The following MGA variants were observed in gnomAD, a reference collection of about 807,000 sequenced individuals.
MGA encodes MAX gene-associated protein.
MGA carries 40 observed loss-of-function variants against 261.1 expected under a neutral mutation model. That is an observed-to-expected ratio of 0.15 (90% CI 0.12 to 0.20). MGA has a LOEUF of 0.20. MGA is among the 10% of genes least tolerant of loss of function. The pLI is 1.00. For synonymous variants in MGA, 1,302 were observed against 1,290.6 expected (o/e 1.01, Z -0.19); for missense variants, 3,397 against 3,630.5 (o/e 0.94, Z 1.65).
At chr15:41,626,339 A>G (rs1490497986) in intron 1 of MGA, among the ~76,000 whole-genome samples, 1 of 151,720 alleles carries the variant, frequency 6.6e-6, no homozygotes, top group Admixed American at 6.6e-5. Context: ...GCTGGTCTCA[A>G]ACTACTGGGC....
chr15:41,643,764 T>A (rs1228546517), intron 1 of MGA, among the ~76,000 whole-genome samples: 1 of 138,948 alleles, frequency 7.2e-6, no homozygotes, highest in Non-Finnish European at 1.6e-5. Context: ...TGTGTCATAC[T>A]TTTTTTTTTT....
chr15:41,700,751 C>G (rs1256568644), intron 5 of MGA, among the ~76,000 whole-genome samples: 1 of 151,986 alleles, frequency 6.6e-6, no homozygotes, highest in Non-Finnish European at 1.5e-5. Context: ...AGGCTGTGCC[C>G]CAATTTTTAG....
chr15:41,663,609 A>G (rs2057547074), intron 1 of MGA, among the ~76,000 whole-genome samples: 2 of 152,016 alleles, frequency 1.3e-5, no homozygotes, highest in African/African-American at 4.8e-5. Context: ...AGCTGGGACT[A>G]CAGGTGCGCA....
At chr15:41,762,449 TAG>T in intron 22 of MGA, 87 bp downstream of exon 22, 1 of 884,080 alleles carries the variant, frequency 1.1e-6, no homozygotes, top group South Asian at 1.9e-5. Flanking sequence ...TCCACATTTT[TAG>T]TTTTGTGTGG....
At chr15:41,717,722 T>TA (rs1185240323) in intron 9 of MGA, among the ~76,000 whole-genome samples, 1 of 152,184 alleles carries the variant, frequency 6.6e-6, no homozygotes, top group Admixed American at 6.5e-5. Context: ...CAGTCTTCCA[T>TA]AAAATGGTGT....
At chr15:41,682,176 C>G (rs2058718793) in intron 2 of MGA, among the ~76,000 whole-genome samples, 1 of 152,158 alleles carries the variant, frequency 6.6e-6, no homozygotes, top group African/African-American at 2.4e-5. Flanking sequence ...CTCAGCCACC[C>G]AAAGTGTTGG....
intron 15 of MGA, 32 bp downstream of exon 15, chr15:41,743,204 T>C (rs1486369317): frequency 6.4e-6 from 10 of 1,563,562 alleles, no homozygotes; most frequent in Non-Finnish European, 8.7e-6. Context: ...CTGCTTTATT[T>C]TACTGTACAC....
intron 1 of MGA, among the ~76,000 whole-genome samples, chr15:41,632,336 T>C (rs914230683): frequency 2.6e-5 from 4 of 152,146 alleles, no homozygotes; most frequent in Non-Finnish European, 5.9e-5. Context: ...TTTGTAGATA[T>C]AAAAGAGCCA....
intron 1 of MGA, among the ~76,000 whole-genome samples, chr15:41,650,776 A>C (rs1027947581): frequency 6.6e-6 from 1 of 152,158 alleles, no homozygotes; most frequent in African/African-American, 2.4e-5. Context: ...TAAATATTTG[A>C]TAGTGCAGAG....
intron 1 of MGA, among the ~76,000 whole-genome samples, chr15:41,647,218 A>C (rs1191111582): frequency 6.6e-6 from 1 of 152,186 alleles, no homozygotes; most frequent in Non-Finnish European, 1.5e-5. Context: ...CAATTTTAGG[A>C]GTTTCACAGG....
At chr15:41,736,132 G>T in intron 12 of MGA, 49 bp from the exon 13 acceptor site, 1 of 1,385,552 alleles carries the variant, frequency 7.2e-7, no homozygotes, top group Non-Finnish European at 9.5e-7. Flanking sequence ...ATGCTGTGAT[G>T]CAGAAATAAT....
At chr15:41,637,277 C>T (rs529690259) in intron 1 of MGA, among the ~76,000 whole-genome samples, 84 of 152,180 alleles carry the variant, frequency 5.5e-4, no homozygotes, top group African/African-American at 1.5e-3. Context: ...GGTCATGGTT[C>T]GTATCATATT....
At chr15:41,731,308 C>G (rs971555711) in intron 11 of MGA, among the ~76,000 whole-genome samples, 1 of 151,990 alleles carries the variant, frequency 6.6e-6, no homozygotes. Flanking sequence ...TATAGTTAAG[C>G]TAGTAGCATT....
chr15:41,636,094 A>G (rs183417476), intron 1 of MGA, among the ~76,000 whole-genome samples: 30 of 152,108 alleles, frequency 2.0e-4, no homozygotes, highest in African/African-American at 7.2e-4. Context: ...TTACTATACT[A>G]TACTTTATTA....
At chr15:41,738,983 G>GATTCT (rs2061943822) in intron 13 of MGA, among the ~76,000 whole-genome samples, 3 of 152,112 alleles carry the variant, frequency 2.0e-5, no homozygotes, top group African/African-American at 4.8e-5. Context: ...TTAGAGAGTA[G>GATTCT]ATTCTACCTC....
rs534855654 is a variant in MGA at position 41,718,233 on chromosome 15, ATATC to A, written c.3430+4743_3430+4746del. On this transcript the variant is annotated intron_variant, in intron 9 of 23. Transcript: ENST00000219905. ...TTCAACATTTATCATCTCAAGATAT[ATATC>A]TATCTCACTATATATAGATAGATAT... is the stretch of plus-strand genomic sequence containing the variant. 430 of 198,816 alleles carry A rather than the reference ATATC, an allele frequency of 2.2e-3. 5 individuals carry two copies. The highest frequency in any genetic ancestry group is 9.4e-3 in the African/African-American group (397 of 42,446). 12.3% of individuals were successfully genotyped at this position (198,816 alleles called of 1,614,324 possible). A position where few individuals can be genotyped will look rare whatever the true frequency, so the allele number is the denominator to read the frequency against.
chr15:41,700,041 G>GTTTTTT lies in MGA; in HGVS notation c.2188+900_2188+905dup, dbSNP rs763919635. Among the ~76,000 whole-genome samples the GTTTTTT allele has an allele frequency of 1.3e-3, 134 of 101,570 alleles. 5 individuals are homozygous for GTTTTTT. The highest frequency in any genetic ancestry group is 8.2e-3 in the East Asian group (20 of 2,426). The allele number at this position is 101,570 out of a possible 152,430, so 66.6% of individuals were successfully genotyped here. A position where few individuals can be genotyped will look rare whatever the true frequency, so the allele number is the denominator to read the frequency against. ...CTGTACCTATCAACCTGTCATCGAG[G>GTTTTTT]TTTTTTTTTTTTTTTTTTTTTTTGA... is the stretch of plus-strand genomic sequence containing the variant. On this transcript the variant is annotated intron_variant, in intron 5 of 23. Coordinates refer to ENST00000219905, the MANE Select transcript of MGA (RefSeq NM_001164273.2).
chr15:41,719,409 A>G (rs2060821940), intron 9 of MGA, among the ~76,000 whole-genome samples: 3 of 152,142 alleles, frequency 2.0e-5, no homozygotes, highest in African/African-American at 7.2e-5. Flanking sequence ...ATTTTTATGA[A>G]AAACAGAGGA....
At chr15:41,708,323 G>C in intron 7 of MGA, 115 bp downstream of exon 7, 1 of 781,210 alleles carries the variant, frequency 1.3e-6, no homozygotes. Context: ...GTTTTTTGTT[G>C]TTGTTGTTGT....
Sources: gnomAD v4.1 joint callset for allele counts (sites outside exome capture counted in the v4.1 genomes callset) on GRCh38, gnomAD v4.1.1 for gene constraint, MANE v1.5 for transcripts, NCBI Gene and HGNC (gene_info 2026-07-23, HGNC 2026-07-21) for gene names.